IFT172: variants seen among roughly 807,000 people sequenced by gnomAD.
The protein encoded by IFT172 is intraflagellar transport protein 172 homolog.
In IFT172, 164 loss-of-function variants were observed where a neutral mutation model predicts 248.9. That is an observed-to-expected ratio of 0.66 (90% CI 0.58 to 0.75). The LOEUF is 0.75. Among genes scored for constraint, IFT172 ranks in the 30% least tolerant of loss-of-function variants. The probability of loss-of-function intolerance (pLI) is 0.00; values close to 1 mark genes in which losing one functional copy is unlikely to be tolerated. For missense variants in IFT172, 1,950 were observed against 2,192.4 expected, an observed-to-expected ratio of 0.89 and a Z score of 2.21; for synonymous variants, 729 against 791.6, an observed-to-expected ratio of 0.92 and a Z score of 1.33.
intron 35 of IFT172, among the ~76,000 whole-genome samples, chr2:27,450,811 A>T (rs913228814): frequency 6.6e-6 from 1 of 152,060 alleles, no homozygotes; most frequent in Non-Finnish European, 1.5e-5. Context: ...GGCTGGTCTC[A>T]AACTCCTGAT....
In IFT172 at chr2:27,445,868, A is replaced by G. The variant is rs758791297; in HGVS notation, c.4816-25T>C. 6 of 1,614,024 alleles carry G rather than the reference A, an allele frequency of 3.7e-6. No homozygotes were observed. Among genetic ancestry groups the G allele is most frequent in the Non-Finnish European group, 4.2e-6 (5 of 1,180,018 alleles). On this transcript the variant is annotated intron_variant, in intron 44 of 47. Transcript: ENST00000260570. The surrounding 1 kb of genome is among the most constrained non-coding windows in gnomAD (Gnocchi z 4.4). ...CCTGCAGTAGAGTGGGCAACCATGA[A>G]CTAGGCACAGCTCGCGACTGGCAAA...
Position 27,444,500 on chromosome 2 carries a change from G to T in IFT172, c.5182C>A (p.Gln1728Lys), listed in dbSNP as rs753075654. ...TGACTGATGAATTTCAGCACGTCCT[G>T]GCACACTGGGCTGTGGGAGGTCTGT... Reference protein sequence around the residue: ...AIKTSHSPVCQDVLKFISQWC... With the variant: ...AIKTSHSPVCKDVLKFISQWC... Residue 1728 changes from glutamine (Q) to lysine (K), a missense_variant, in exon 48 of 48, where the codon CAG becomes AAG. Gln to Lys is a moderately conservative substitution (Grantham distance 53, BLOSUM62 1). Around this residue, in one of 3 missense-constraint regions of IFT172, gnomAD observed 620 missense variants for 699.0 expected, o/e 0.89. Transcript: ENST00000260570. 1.2e-6 allele frequency: 2 copies of T among 1,613,594 alleles called. No homozygotes were observed. Among genetic ancestry groups the T allele is most frequent in the Admixed American group, 3.3e-5 (2 of 59,998 alleles).
At chr2:27,460,120 G>A (rs111924757) in intron 23 of IFT172, among the ~76,000 whole-genome samples, 63 of 151,056 alleles carry the variant, frequency 4.2e-4, no homozygotes, top group Non-Finnish European at 7.1e-4. Flanking sequence ...CCCCAACCCC[G>A]TGCTCTCTGA....
chr2:27,472,308 T>G lies in IFT172; in HGVS notation c.1466A>C (p.Asp489Ala). 6.2e-7 allele frequency: 1 copy of G among 1,614,032 alleles called. No individual in the cohort carries two copies. Among genetic ancestry groups the G allele is most frequent in the Non-Finnish European group, 8.5e-7 (1 of 1,180,000 alleles). The change falls in exon 15 of 48, where the codon GAT becomes GCT. Residue 489 changes from aspartate to alanine, a missense_variant. Physicochemically the swap from Asp to Ala is moderately radical, Grantham distance 126. Coordinates refer to ENST00000260570, the MANE Select transcript of IFT172 (RefSeq NM_015662.3). The part of the protein sequence containing the change: ...IGTVSHESRV[D>A]WLELNETGHK... ...TCCAGTCTCATTAAGTTCCAGCCAA[T>G]CCACACGGCTCTCATGGCTGACGGT...
In IFT172 at chr2:27,453,373, G is replaced by C. The variant is rs1394823873; in HGVS notation, c.3951+11C>G. 17 of 1,614,058 alleles carry C rather than the reference G, an allele frequency of 1.1e-5. No individual in the cohort carries two copies. The highest frequency in any genetic ancestry group is 1.4e-5 in the Non-Finnish European group (16 of 1,180,018). On this transcript the variant is annotated intron_variant, in intron 35 of 47. Transcript: ENST00000260570. Reference sequence around the variant, plus strand: ...GGAGAAGGAGGGCCAGAAAGGGCCTGCTGTCCTCACCTTCATCCAGCACTT... The same window carrying C: ...GGAGAAGGAGGGCCAGAAAGGGCCTCCTGTCCTCACCTTCATCCAGCACTT...
At chr2:27,489,189 C>G (rs1011823347) in intron 1 of IFT172, among the ~76,000 whole-genome samples, 1 of 152,222 alleles carries the variant, frequency 6.6e-6, no homozygotes, top group East Asian at 1.9e-4. Context: ...AGGGCTCCTC[C>G]CCTAGTGCCC....
At chr2:27,479,980 G>T (rs1184704282) in intron 9 of IFT172, 46 bp downstream of exon 9, 2 of 1,588,710 alleles carry the variant, frequency 1.3e-6, no homozygotes, top group Admixed American at 1.8e-5. Context: ...TTTTTTTCTA[G>T]TTTGGTGAAA....
intron 14 of IFT172, among the ~76,000 whole-genome samples, chr2:27,474,556 C>CT (rs1392153094): frequency 1.3e-5 from 2 of 151,852 alleles, no homozygotes; most frequent in African/African-American, 2.4e-5. Context: ...TTTTTCTTTT[C>CT]TTTTTTTTGT....
chr2:27,479,748 A>G, intron 9 of IFT172, 144 bp from the exon 10 acceptor site: 1 of 719,002 alleles, frequency 1.4e-6, no homozygotes, highest in South Asian at 1.7e-5. Flanking sequence ...GGAATTACCA[A>G]AAGGAAAGAG....
Position 27,461,201 on chromosome 2 carries a change from G to A in IFT172, c.2442+68C>T, listed in dbSNP as rs574685575. ...AGTCAGGAAGCGCTCTGCACCCCAA[G>A]ACTCCTCTGGGTAAGGGAAGGGTCC... On this transcript the variant is annotated intron_variant, in intron 22 of 47. Transcript: ENST00000260570. 1.2e-4 allele frequency: 187 copies of A among 1,612,464 alleles called. 7 individuals carry two copies. In the South Asian group the frequency reaches 1.8e-3, roughly 16 times the overall value.
In IFT172 at chr2:27,446,659, G is replaced by T. The variant is rs911611796; in HGVS notation, c.4660-304C>A. Among the ~76,000 whole-genome samples the T allele has an allele frequency of 4.9e-5, 7 of 141,928 alleles. No individual in the cohort carries two copies. In the East Asian group the frequency reaches 1.4e-3, roughly 29 times the overall value. 93.1% of individuals were successfully genotyped at this position (141,928 alleles called of 152,430 possible). The stretch of plus-strand genomic sequence containing the variant: ...CTCCTGAGTAGCTAGGACTACAAGC[G>T]CACATTACCATGCCTGGCTAATTTT... On this transcript the variant is annotated intron_variant, in intron 42 of 47. Coordinates refer to ENST00000260570, the MANE Select transcript of IFT172 (RefSeq NM_015662.3).
At chr2:27,453,604 T>C (rs1222524620) in intron 34 of IFT172, 26 bp downstream of exon 34, 21 of 1,606,842 alleles carry the variant, frequency 1.3e-5, no homozygotes, top group Non-Finnish European at 1.8e-5. Context: ...GCCCTGCCAA[T>C]GCTGCCTGGA....
chr2:27,465,238 C>T (rs1247892409), intron 18 of IFT172, 173 bp downstream of exon 18: 1 of 627,740 alleles, frequency 1.6e-6, no homozygotes, highest in African/African-American at 1.8e-5. Flanking sequence ...CTCTTATAAT[C>T]TAGGATGGGA....
intron 15 of IFT172, chr2:27,471,937 C>T (rs534020133): frequency 9.0e-6 from 4 of 444,762 alleles, no homozygotes; most frequent in Admixed American, 7.9e-5. Context: ...ACTGGGGAGG[C>T]TGAGGCAGGA....
At chr2:27,484,949 C>T (rs913581179) in intron 3 of IFT172, 69 bp downstream of exon 3, 7 of 898,214 alleles carry the variant, frequency 7.8e-6, no homozygotes, top group Admixed American at 1.9e-5. Flanking sequence ...TTTCCCCTCC[C>T]CAGTGAGGCA....
intron 14 of IFT172, among the ~76,000 whole-genome samples, chr2:27,475,893 A>G (rs1264878814): frequency 6.6e-6 from 1 of 151,952 alleles, no homozygotes. Context: ...CAGCCTCCCA[A>G]AGTGGTGGGA....
chr2:27,482,419 G>C (rs941864633), intron 7 of IFT172, among the ~76,000 whole-genome samples: 3 of 151,878 alleles, frequency 2.0e-5, no homozygotes, highest in Non-Finnish European at 2.9e-5. Context: ...CAGCCTCCCA[G>C]AAAGCTGGGA....
At position 27,445,467 on chromosome 2, in the gene IFT172, G is replaced by T; in HGVS notation, c.4915-18C>A. ...TCAGCCTCCTGGAAAGGACAAGAAG[G>T]GAGTGGTAGCTTCACACAGGGCAGG... is the stretch of plus-strand genomic sequence containing the variant. On this transcript the variant is annotated intron_variant, in intron 45 of 47. Coordinates refer to ENST00000260570, the MANE Select transcript of IFT172 (RefSeq NM_015662.3). The surrounding 1 kb of genome is among the most constrained non-coding windows in gnomAD (Gnocchi z 4.4). 1 of 1,604,830 alleles carries T rather than the reference G, an allele frequency of 6.2e-7. No individual in the cohort carries two copies.
In IFT172 at chr2:27,476,681, C is replaced by A; in HGVS notation, c.1371G>T (p.Lys457Asn). 6.2e-7 allele frequency: 1 copy of A among 1,612,032 alleles called. No homozygotes were observed. Among genetic ancestry groups the A allele is most frequent in the Non-Finnish European group, 8.5e-7 (1 of 1,178,234 alleles). The change falls in exon 14 of 48, where the codon AAG (lysine) becomes AAT (asparagine). Residue 457 changes from lysine (K) to asparagine (N), a missense_variant. By Grantham distance (94) the Lys-to-Asn change is moderately conservative. This residue lies in a region of IFT172 where 1,166 missense variants were observed against 1,254.1 expected (regional missense o/e 0.93). Coordinates refer to ENST00000260570, the MANE Select transcript of IFT172 (RefSeq NM_015662.3). ...TAATATCAATAAGATAAGCCAATTT[C>A]TTATTATCTTCTGTTCCTCGCTGAC... ...ERCQRGTEDN[K>N]KLAYLIDIKT...
Sources: gnomAD v4.1 joint callset for allele counts (sites outside exome capture counted in the v4.1 genomes callset) on GRCh38, gnomAD v4.1.1 for gene constraint, gnomAD v4.1.1 regional missense constraint, Gnocchi (gnomAD v3.1) non-coding constraint, MANE v1.5 for transcripts, NCBI Gene and HGNC (gene_info 2026-07-23, HGNC 2026-07-21) for gene names.